Variants in FTO observed in about 807,000 individuals in gnomAD.
FTO encodes alpha-ketoglutarate-dependent dioxygenase FTO.
FTO carries 47 observed loss-of-function variants against 63.9 expected under a neutral mutation model. The ratio of observed to expected loss-of-function variants is 0.74; its 90% CI spans 0.58 to 0.94. FTO has a LOEUF of 0.94. Among genes scored for constraint, FTO ranks in the 40% least tolerant of loss-of-function variants. FTO has a pLI of 0.00. For synonymous variants in FTO, 207 were observed against 224.4 expected (o/e 0.92, Z 0.69); for missense variants, 562 against 618.1 (o/e 0.91, Z 0.96).
At chr16:53,708,950 C>G (rs1311867545) in intron 1 of FTO, among the ~76,000 whole-genome samples, 1 of 152,142 alleles carries the variant, frequency 6.6e-6, no homozygotes, top group African/African-American at 2.4e-5. Context: ...GTGTTGCAAA[C>G]ATTATCTTCC....
intron 4 of FTO, 108 bp downstream of exon 4, chr16:53,844,406 T>C: frequency 1.1e-6 from 1 of 943,446 alleles, no homozygotes; most frequent in Non-Finnish European, 1.6e-6. Context: ...GAGTATTTTA[T>C]ATTAAGAGCG....
chr16:54,081,331 C>T (rs708260), intron 8 of FTO, among the ~76,000 whole-genome samples: 15,882 of 152,198 alleles, frequency 0.1, 2,593 homozygotes, highest in African/African-American at 0.35. Flanking sequence ...GTCCTAATTT[C>T]ATTTTCCAGC....
chr16:54,102,149 A>G (rs1429313807), intron 8 of FTO, among the ~76,000 whole-genome samples: 1 of 152,146 alleles, frequency 6.6e-6, no homozygotes, highest in Non-Finnish European at 1.5e-5. Flanking sequence ...TGCTGTGCAG[A>G]AGCTCTTAAG....
chr16:53,716,567 A>G, intron 1 of FTO, among the ~76,000 whole-genome samples: 1 of 152,080 alleles, frequency 6.6e-6, no homozygotes, highest in East Asian at 1.9e-4. Flanking sequence ...AGCATTTAGA[A>G]TATTGTTGGG....
intron 1 of FTO, among the ~76,000 whole-genome samples, chr16:53,715,684 A>T (rs2075879320): frequency 6.6e-6 from 1 of 152,194 alleles, no homozygotes; most frequent in African/African-American, 2.4e-5. Context: ...ACCCATTAAA[A>T]ACTGATTTCT....
At chr16:54,063,575 A>C (rs2085641376) in intron 8 of FTO, 1 of 152,218 alleles carries the variant, frequency 6.6e-6, no homozygotes. Flanking sequence ...GAAGTTATGA[A>C]ATAGATTTGA....
chr16:53,906,925 C>T (rs1393311071), intron 7 of FTO, among the ~76,000 whole-genome samples: 1 of 152,160 alleles, frequency 6.6e-6, no homozygotes, highest in Non-Finnish European at 1.5e-5. Flanking sequence ...AGAACTCTTA[C>T]CTTTGAAATA....
intron 7 of FTO, chr16:53,911,470 A>T: frequency 1.4e-6 from 1 of 703,124 alleles, no homozygotes; most frequent in Middle Eastern, 2.3e-4. Context: ...TCATGGGAAG[A>T]ATTTCAGTAG....
chr16:53,840,288 T>C (rs1178578673), intron 3 of FTO, among the ~76,000 whole-genome samples: 1 of 152,156 alleles, frequency 6.6e-6, no homozygotes, highest in Non-Finnish European at 1.5e-5. Context: ...ATCACAAATA[T>C]AAACATAATT....
intron 1 of FTO, among the ~76,000 whole-genome samples, chr16:53,761,274 T>C (rs2151602852): frequency 6.6e-6 from 1 of 151,326 alleles, no homozygotes; most frequent in South Asian, 2.1e-4. Context: ...TTTTTTTTTT[T>C]TCAGTTTTGT....
Position 53,826,501 on chromosome 16 carries a change from G to C in FTO, c.751+10G>C, listed in dbSNP as rs2079009949. On this transcript the variant is annotated intron_variant, in intron 3 of 8. Coordinates refer to ENST00000471389, the MANE Select transcript of FTO (RefSeq NM_001080432.3). ...AGTTATAGCTGTGAAGGTACAGTCT[G>C]CTCTTGGAAAAAGCAGCCCTGTATG... 1 of 1,613,906 alleles carries C rather than the reference G, an allele frequency of 6.2e-7. No homozygotes were observed. Among genetic ancestry groups the C allele is most frequent in the African/African-American group, 1.3e-5 (1 of 75,050 alleles).
chr16:53,993,814 G>A (rs2083870536), intron 8 of FTO: 1 of 152,182 alleles, frequency 6.6e-6, no homozygotes, highest in Non-Finnish European at 1.5e-5. Flanking sequence ...TTATTTAAAA[G>A]CGATAACATA....
At chr16:53,792,943 A>G (rs936433965) in intron 1 of FTO, among the ~76,000 whole-genome samples, 2 of 152,208 alleles carry the variant, frequency 1.3e-5, no homozygotes, top group African/African-American at 4.8e-5. Flanking sequence ...TTCTTTGGTC[A>G]TCTATTCACT....
chr16:53,880,623 T>G (rs2080796241), intron 6 of FTO, among the ~76,000 whole-genome samples: 1 of 152,120 alleles, frequency 6.6e-6, no homozygotes, highest in African/African-American at 2.4e-5. Context: ...AAGACTTGTT[T>G]CGTGATTCAT....
intron 8 of FTO, among the ~76,000 whole-genome samples, chr16:54,049,952 A>C (rs2085275859): frequency 6.6e-6 from 1 of 152,202 alleles, no homozygotes; most frequent in Non-Finnish European, 1.5e-5. Flanking sequence ...ATATTGAGTG[A>C]TTGTGTGAAA....
rs146651129 is a variant in FTO at position 54,057,054 on chromosome 16, C to T, written c.1365-54708C>T. On this transcript the variant is annotated intron_variant, in intron 8 of 8. Coordinates refer to ENST00000471389, the MANE Select transcript of FTO (RefSeq NM_001080432.3). ...ACAGTCTAGGAGAGTGAGATGGACA[C>T]GGAGTCAGAGAACACTGAAGGTTGG... Among the ~76,000 whole-genome samples the T allele has an allele frequency of 5.4e-4, 82 of 152,002 alleles. 1 individual carries two copies. Among genetic ancestry groups the T allele is most frequent in the Admixed American group, 1.7e-3 (26 of 15,300 alleles).
chr16:53,824,565 C>T (rs2078952522), intron 2 of FTO, among the ~76,000 whole-genome samples: 3 of 152,188 alleles, frequency 2.0e-5, no homozygotes, highest in South Asian at 4.1e-4. Flanking sequence ...AGAACAGGGA[C>T]CTTGTTTCCA....
chr16:53,971,478 T>A (rs1191075360), intron 8 of FTO, among the ~76,000 whole-genome samples: 6 of 152,248 alleles, frequency 3.9e-5, no homozygotes, highest in Non-Finnish European at 8.8e-5. Context: ...ACTTCATTGA[T>A]GTTTGAGTTT....
intron 1 of FTO, among the ~76,000 whole-genome samples, chr16:53,784,174 A>C (rs1440206367): frequency 6.6e-6 from 1 of 152,214 alleles, no homozygotes; most frequent in Non-Finnish European, 1.5e-5. Context: ...CATATCCTTA[A>C]AGATTCTATG....
Sources: allele counts gnomAD v4.1 joint callset (sites outside exome capture counted in the v4.1 genomes callset), GRCh38; gene constraint gnomAD v4.1.1; transcripts MANE v1.5; gene names NCBI Gene and HGNC (gene_info 2026-07-23, HGNC 2026-07-21).